Variants in INTS1 observed in about 807,000 individuals in gnomAD.
The protein encoded by INTS1 is integrator complex subunit 1.
A neutral mutation model predicts 241.6 loss-of-function variants in INTS1; 137 were observed. That is an observed-to-expected ratio of 0.57 (90% CI 0.49 to 0.65). The LOEUF is 0.65. INTS1 is among the 30% of genes least tolerant of loss of function. INTS1 has a pLI of 0.00. For missense variants in INTS1, 3,073 were observed against 3,032.2 expected, an observed-to-expected ratio of 1.01 and a Z score of -0.32; for synonymous variants, 1,692 against 1,337.8, an observed-to-expected ratio of 1.26 and a Z score of -5.78.
chr7:1,478,840 C>T lies in INTS1; in HGVS notation c.4375G>A (p.Val1459Met). 5 of 1,610,790 alleles carry T rather than the reference C, an allele frequency of 3.1e-6. No individual in the cohort carries two copies. The highest frequency in any genetic ancestry group is 4.2e-6 in the Non-Finnish European group (5 of 1,178,848). Residue 1459 changes from valine to methionine, a missense_variant, in exon 32 of 48, where the codon GTG becomes ATG. Transcript: ENST00000404767. ...AGCCACTGCAGCATCTGCAGGAGCA[C>T]CTTCAGGAAGAGCGAGGAGAAGCCG... The part of the protein sequence containing the change: ...DTGFSSLFLK[V>M]LLQMLQWLDS...
rs897035663 is a variant in INTS1, at chr7:1,470,338, C to T, written c.*239G>A. 15 of 475,652 alleles carry T rather than the reference C, an allele frequency of 3.2e-5. No homozygotes were observed. The highest frequency in any genetic ancestry group is 4.4e-5 in the Non-Finnish European group (12 of 271,122). 29.5% of individuals were successfully genotyped at this position (475,652 alleles called of 1,614,324 possible). ...CCATGCCCGGGGGGATCCGCCGCTCCGCGGCAGGGCTGTGGCCCAGAAGGT... is the reference window on the plus strand; with the variant it reads ...CCATGCCCGGGGGGATCCGCCGCTCTGCGGCAGGGCTGTGGCCCAGAAGGT... On this transcript the variant is annotated 3_prime_UTR_variant, in exon 48 of 48. Coordinates refer to ENST00000404767, the MANE Select transcript of INTS1 (RefSeq NM_001080453.3).
intron 33 of INTS1, among the ~76,000 whole-genome samples, 165 bp from the exon 34 acceptor site, chr7:1,478,101 A>T (rs1301638986): frequency 6.8e-6 from 1 of 147,992 alleles, no homozygotes; most frequent in East Asian, 1.9e-4. Context: ...CGGAGAGGAG[A>T]GTGCGGCCGG....
rs773206518 is a variant in INTS1 at position 1,504,363 on chromosome 7, G to A, written c.-82C>T. The A allele has an allele frequency of 2.0e-6, 1 of 493,146 alleles. No individual in the cohort carries two copies. The highest frequency in any genetic ancestry group is 4.0e-6 in the Non-Finnish European group (1 of 252,788). The allele number at this position is 493,146 out of a possible 1,614,324, so 30.5% of individuals were successfully genotyped here. On this transcript the variant is annotated 5_prime_UTR_variant, in exon 1 of 48. Coordinates refer to ENST00000404767, the MANE Select transcript of INTS1 (RefSeq NM_001080453.3). ...ACCGGAGCGCCGCCGCCGCCACCCG[G>A]CCACCCCGGAATCGGAAACCGATCT... is the stretch of plus-strand genomic sequence containing the variant.
chr7:1,482,438 G>A (rs563504905), intron 27 of INTS1, 108 bp downstream of exon 27: 5 of 1,146,484 alleles, frequency 4.4e-6, no homozygotes, highest in Non-Finnish European at 6.1e-6. Context: ...TACCCGGCCA[G>A]TCTTCTCCTC....
chr7:1,494,798 A>G lies in INTS1; in HGVS notation c.1910+18T>C. Reference sequence around the variant, plus strand: ...GCCCAGCCCGGCACACAGGAGCCCCAGGCGGCAGCGCACTCACTTGCGGTC... The same window carrying G: ...GCCCAGCCCGGCACACAGGAGCCCCGGGCGGCAGCGCACTCACTTGCGGTC... On this transcript the variant is annotated intron_variant, in intron 14 of 47. Coordinates refer to ENST00000404767, the MANE Select transcript of INTS1 (RefSeq NM_001080453.3). 6.4e-7 allele frequency: 1 copy of G among 1,553,378 alleles called. No individual in the cohort carries two copies. Among genetic ancestry groups the G allele is most frequent in the Non-Finnish European group, 8.7e-7 (1 of 1,149,782 alleles).
rs192897082 is a variant in INTS1, at chr7:1,477,460, G to A, written c.4938+90C>T. Reference sequence around the variant, plus strand: ...AGGGGGGGTGCTGGGGCCCCTGCAAGGCTCGCCCAGGCCAAGGCTGCTGCA... The same window carrying A: ...AGGGGGGGTGCTGGGGCCCCTGCAAAGCTCGCCCAGGCCAAGGCTGCTGCA... On this transcript the variant is annotated intron_variant, in intron 35 of 47. Transcript: ENST00000404767. 57 of 1,419,194 alleles carry A rather than the reference G, an allele frequency of 4.0e-5. No individual in the cohort carries two copies. In the African/African-American group the frequency reaches 8.1e-4, roughly 20 times the overall value. 87.9% of individuals were successfully genotyped at this position (1,419,194 alleles called of 1,614,324 possible). A position where few individuals can be genotyped will look rare whatever the true frequency, so the allele number is the denominator to read the frequency against.
chr7:1,485,684 C>T (rs1294890026), intron 22 of INTS1, among the ~76,000 whole-genome samples: 1 of 152,210 alleles, frequency 6.6e-6, no homozygotes, highest in Non-Finnish European at 1.5e-5. Context: ...TGGACCCTCC[C>T]GTCACCAGCA....
intron 2 of INTS1, among the ~76,000 whole-genome samples, chr7:1,503,673 C>A (rs934330498): frequency 6.6e-6 from 1 of 152,210 alleles, no homozygotes; most frequent in Middle Eastern, 3.2e-3. Context: ...TGCAGCTCAG[C>A]CTGAAACGAG....
At chr7:1,471,688 C>T (rs749192445) in intron 44 of INTS1, 47 bp from the exon 45 acceptor site, 36 of 1,576,632 alleles carry the variant, frequency 2.3e-5, no homozygotes, top group Non-Finnish European at 3.0e-5. Flanking sequence ...CCCAGGCAGA[C>T]CTCTGCCCAC....
chr7:1,496,809 G>A lies in INTS1; in HGVS notation c.1602+329C>T, dbSNP rs535579217. ...AGCGCCAGCTCCCTCCACAGCCCTC[G>A]AAAAGTCTCCAACCCAGCCAGGCAG... is the stretch of plus-strand genomic sequence containing the variant. On this transcript the variant is annotated intron_variant, in intron 11 of 47. Coordinates refer to ENST00000404767, the MANE Select transcript of INTS1 (RefSeq NM_001080453.3). Among the ~76,000 whole-genome samples the A allele has an allele frequency of 3.8e-3, 583 of 152,246 alleles. 4 individuals are homozygous for A. The highest frequency in any genetic ancestry group is 0.014 in the African/African-American group (562 of 41,552).
chr7:1,497,431 G>A lies in INTS1; in HGVS notation c.1426-117C>T, dbSNP rs1782917559. ...AGGGCGCTGCAGTGGGTCTCAGACA[G>A]TGTGGGGTGCGGGGTGGCGGGCTCC... On this transcript the variant is annotated intron_variant, in intron 10 of 47. Coordinates refer to ENST00000404767, the MANE Select transcript of INTS1 (RefSeq NM_001080453.3). This position sits in a 1 kb window ranked among gnomAD's most constrained non-coding sequence, Gnocchi z 5.3. 4 of 1,112,078 alleles carry A rather than the reference G, an allele frequency of 3.6e-6. No homozygotes were observed. The highest frequency in any genetic ancestry group is 5.0e-6 in the Non-Finnish European group (4 of 803,104). 68.9% of individuals were successfully genotyped at this position (1,112,078 alleles called of 1,614,324 possible).
chr7:1,470,831 G>C lies in INTS1; in HGVS notation c.6457+15C>G. ...CGAGGGCTGCCAGGGCCCTGGGCGG[G>C]GGGCCAGTCCTCACCTTGGCACAGG... On this transcript the variant is annotated intron_variant, in intron 47 of 47. Transcript: ENST00000404767. 6 of 1,565,572 alleles carry C rather than the reference G, an allele frequency of 3.8e-6. No homozygotes were observed. Among genetic ancestry groups the C allele is most frequent in the Non-Finnish European group, 5.2e-6 (6 of 1,154,558 alleles).
intron 32 of INTS1, 105 bp downstream of exon 32, chr7:1,478,621 C>G (rs1781849139): frequency 1.3e-6 from 2 of 1,490,648 alleles, no homozygotes; most frequent in Admixed American, 4.1e-5. Flanking sequence ...GGTACCCACC[C>G]CCCAAGCCAC....
At chr7:1,482,839 T>G (rs1782060760) in intron 26 of INTS1, 132 bp from the exon 27 acceptor site, 3 of 1,046,822 alleles carry the variant, frequency 2.9e-6, no homozygotes, top group Non-Finnish European at 4.2e-6. Flanking sequence ...ACGGGGCTCC[T>G]GTGCTAGGTG....
rs1781799768 is a variant in INTS1 at position 1,477,915 on chromosome 7, A to G, written c.4652T>C (p.Val1551Ala). 1 of 1,612,454 alleles carries G rather than the reference A, an allele frequency of 6.2e-7. No individual in the cohort carries two copies. Among genetic ancestry groups the G allele is most frequent in the East Asian group, 2.2e-5 (1 of 44,862 alleles). The change falls in exon 34 of 48, where the codon GTG becomes GCG. Residue 1551 changes from valine (V) to alanine (A), a missense_variant. By Grantham distance (64) the Val-to-Ala change is moderately conservative. Coordinates refer to ENST00000404767, the MANE Select transcript of INTS1 (RefSeq NM_001080453.3). ...CAGCTCCTCCAGGTGGGGGGACCTCACCTCGATCAGCCCCTGGAGGACTGC... is the reference window on the plus strand; with the variant it reads ...CAGCTCCTCCAGGTGGGGGGACCTCGCCTCGATCAGCCCCTGGAGGACTGC... ...ISKVLQGLIE[V>A]RSPHLEELLT...
At chr7:1,495,296 T>C in intron 13 of INTS1, 137 bp downstream of exon 13, 1 of 1,044,674 alleles carries the variant, frequency 9.6e-7, no homozygotes, top group Non-Finnish European at 1.3e-6. Flanking sequence ...CCCGGCTTAG[T>C]GGGGTGTGGG....
intron 36 of INTS1, 67 bp downstream of exon 36, chr7:1,476,727 G>C (rs574422386): frequency 2.5e-6 from 4 of 1,612,168 alleles, no homozygotes; most frequent in Middle Eastern, 1.7e-4. Context: ...GTCAGAGCCG[G>C]CGCTGGGAGA....
rs549859694 is a variant in INTS1 at position 1,474,207 on chromosome 7, C to T, written c.5790G>A (p.Ala1930=). 1.2e-5 allele frequency: 19 copies of T among 1,590,438 alleles called. No homozygotes were observed. The African/African-American group carries it at 2.3e-4, about 19-fold the overall frequency. Residue 1930 remains alanine, a synonymous_variant, in exon 41 of 48, where the codon GCG becomes GCA. Transcript: ENST00000404767. ...TGAAGGACAGAAGGCAGTCCCACAG[C>T]GCCCCCTGGTGCTCGCTGCGGAACA... The part of the protein sequence containing the change: ...PHVFRSEHQG[A]LWDCLLSFIR...
chr7:1,471,325 AC>A, intron 45 of INTS1, 101 bp from the exon 46 acceptor site: 1 of 1,245,310 alleles, frequency 8.0e-7, no homozygotes, highest in Non-Finnish European at 1.1e-6. Context: ...AACGGCAGGG[AC>A]CCTAGGCCCC....
Sources: allele counts gnomAD v4.1 joint callset (sites outside exome capture counted in the v4.1 genomes callset), GRCh38; gene constraint gnomAD v4.1.1; non-coding constraint Gnocchi (gnomAD v3.1); transcripts MANE v1.5; gene names NCBI Gene and HGNC (gene_info 2026-07-23, HGNC 2026-07-21).